NPR3: variants seen among roughly 807,000 people sequenced by gnomAD.
NPR3 encodes atrial natriuretic peptide receptor 3.
A neutral mutation model predicts 54.5 loss-of-function variants in NPR3; 34 were observed. The observed-to-expected ratio is 0.62, with a 90% CI of 0.47 to 0.83. The LOEUF (loss-of-function observed/expected upper bound fraction) is 0.83, where lower values mean the gene tolerates loss of function less well. NPR3 is among the 40% of genes least tolerant of loss of function. The probability of loss-of-function intolerance (pLI) is 0.00; values close to 1 mark genes in which losing one functional copy is unlikely to be tolerated. For missense variants in NPR3, 674 were observed against 720.8 expected (o/e 0.94, Z 0.74); for synonymous variants, 289 against 297.1 (o/e 0.97, Z 0.28).
intron 3 of NPR3, among the ~76,000 whole-genome samples, chr5:32,741,416 C>G (rs1740032252): frequency 6.6e-6 from 1 of 152,162 alleles, no homozygotes. Context: ...AAGACCCTGT[C>G]TCAAAGAAAA....
At position 32,711,797 on chromosome 5, in the gene NPR3, C is replaced by T. The variant is rs1307338456; in HGVS notation, c.21C>T (p.Leu7=). The T allele has an allele frequency of 7.0e-7, 1 of 1,434,098 alleles. No homozygotes were observed. The highest frequency in any genetic ancestry group is 9.2e-7 in the Non-Finnish European group (1 of 1,092,724). 88.8% of individuals were successfully genotyped at this position (1,434,098 alleles called of 1,614,324 possible). The change falls in exon 1 of 8, where the codon CTC becomes CTT. Residue 7 remains leucine (L), a synonymous_variant. Coordinates refer to ENST00000265074, the MANE Select transcript of NPR3 (RefSeq NM_001204375.2). MPSLLV[L]TFSPCVLLGW... is the part of the protein sequence containing the mutation. ...GCACGATGCCGTCTCTGCTGGTGCTCACTTTCTCCCCGTGCGTACTACTCG... is the reference window on the plus strand; with the variant it reads ...GCACGATGCCGTCTCTGCTGGTGCTTACTTTCTCCCCGTGCGTACTACTCG...
intron 3 of NPR3, among the ~76,000 whole-genome samples, chr5:32,756,623 C>G (rs1286271378): frequency 2.6e-5 from 4 of 152,288 alleles, no homozygotes; most frequent in Admixed American, 6.5e-5. Context: ...TCCCATTTGT[C>G]AATTTTGGCT....
intron 1 of NPR3, among the ~76,000 whole-genome samples, chr5:32,703,880 G>A (rs1737899179): frequency 6.6e-6 from 1 of 152,230 alleles, no homozygotes; most frequent in African/African-American, 2.4e-5. Flanking sequence ...ACTAGGTCAT[G>A]TGTCCCCCAC....
At position 32,712,318 on chromosome 5, in the gene NPR3, A is replaced by T; in HGVS notation, c.542A>T (p.Tyr181Phe). The change falls in exon 1 of 8, where the codon TAC becomes TTC. Residue 181 changes from tyrosine to phenylalanine, a missense_variant. Coordinates refer to ENST00000265074, the MANE Select transcript of NPR3 (RefSeq NM_001204375.2). ...CACCTCACGCGCGTGGCGCCCGCCT[A>T]CGCCAAGATGGGCGAGATGATGCTC... ...YSHLTRVAPA[Y>F]AKMGEMMLAL... 1 of 1,613,396 alleles carries T rather than the reference A, an allele frequency of 6.2e-7. No homozygotes were observed. Among genetic ancestry groups the T allele is most frequent in the Non-Finnish European group, 8.5e-7 (1 of 1,179,728 alleles).
rs1196849698 is a variant in NPR3 at position 32,788,480 on chromosome 5, A to G, written c.*2135A>G. 1 of 152,190 alleles carries G rather than the reference A, an allele frequency of 6.6e-6. No homozygotes were observed. Among genetic ancestry groups the G allele is most frequent in the Non-Finnish European group, 1.5e-5 (1 of 68,016 alleles). 9.4% of individuals were successfully genotyped at this position (152,190 alleles called of 1,614,324 possible). A position where few individuals can be genotyped will look rare whatever the true frequency, so the allele number is the denominator to read the frequency against. On this transcript the variant is annotated 3_prime_UTR_variant, in exon 8 of 8. Transcript: ENST00000265074. ...TTTATTTTTCAATGATGTTTTCTTT[A>G]TATTTTAGAGATATTCATTTTCTCT... is the stretch of plus-strand genomic sequence containing the variant.
At chr5:32,716,215 C>T (rs1738537249) in intron 1 of NPR3, among the ~76,000 whole-genome samples, 1 of 152,042 alleles carries the variant, frequency 6.6e-6, no homozygotes. Context: ...TACATTTTAC[C>T]AAAATTTAGT....
chr5:32,737,279 A>G (rs921818735), intron 2 of NPR3, among the ~76,000 whole-genome samples: 3 of 152,164 alleles, frequency 2.0e-5, no homozygotes, highest in African/African-American at 7.2e-5. Context: ...GATAACTTCA[A>G]CTGTTTACAT....
At chr5:32,742,802 A>T (rs540666080) in intron 3 of NPR3, among the ~76,000 whole-genome samples, 65 of 152,264 alleles carry the variant, frequency 4.3e-4, no homozygotes, top group African/African-American at 1.5e-3. Flanking sequence ...ATTCCTTCTA[A>T]TACGATAACT....
At position 32,780,831 on chromosome 5, in the gene NPR3, C is replaced by T; in HGVS notation, c.1290+15C>T. On this transcript the variant is annotated intron_variant, in intron 5 of 7. Coordinates refer to ENST00000265074, the MANE Select transcript of NPR3 (RefSeq NM_001204375.2). ...GCACCCAGGAGGTGAGCACGTGAGACCTCTGCACCAGTTGCTCCTTCTGCT... is the reference window on the plus strand; with the variant it reads ...GCACCCAGGAGGTGAGCACGTGAGATCTCTGCACCAGTTGCTCCTTCTGCT... 1 of 1,202,284 alleles carries T rather than the reference C, an allele frequency of 8.3e-7. No individual in the cohort carries two copies. Among genetic ancestry groups the T allele is most frequent in the Non-Finnish European group, 1.2e-6 (1 of 806,264 alleles). 74.5% of individuals were successfully genotyped at this position (1,202,284 alleles called of 1,614,324 possible).
chr5:32,719,847 C>G (rs1738760515), intron 1 of NPR3, among the ~76,000 whole-genome samples: 1 of 144,672 alleles, frequency 6.9e-6, no homozygotes, highest in South Asian at 2.3e-4. Context: ...TTTAAAGTTA[C>G]TGTTGAGTTT....
At chr5:32,729,429 C>T (rs1346798515) in intron 2 of NPR3, among the ~76,000 whole-genome samples, 2 of 152,114 alleles carry the variant, frequency 1.3e-5, no homozygotes, top group African/African-American at 2.4e-5. Context: ...GATTTTGGAA[C>T]ATTTTGGATT....
At chr5:32,715,616 A>G (rs1738504439) in intron 1 of NPR3, among the ~76,000 whole-genome samples, 1 of 152,198 alleles carries the variant, frequency 6.6e-6, no homozygotes, top group Admixed American at 6.6e-5. Context: ...AAAAACAATT[A>G]TCTTTATTTA....
At position 32,722,202 on chromosome 5, in the gene NPR3, G is replaced by T. The variant is rs1352124833; in HGVS notation, c.770-2496G>T. On this transcript the variant is annotated intron_variant, in intron 1 of 7. Transcript: ENST00000265074. Reference sequence around the variant, plus strand: ...GAAACTTCAGGCAAAGTTTAGGAAAGCTTGTCCTCTGGTCCTTGGACCCTG... The same window carrying T: ...GAAACTTCAGGCAAAGTTTAGGAAATCTTGTCCTCTGGTCCTTGGACCCTG... 2.0e-5 allele frequency among the ~76,000 whole-genome samples: 3 copies of T among 152,164 alleles called. No individual in the cohort carries two copies. The East Asian group carries it at 5.8e-4, about 29-fold the overall frequency.
chr5:32,693,335 T>A, intron 1 of NPR3, among the ~76,000 whole-genome samples: 1 of 152,250 alleles, frequency 6.6e-6, no homozygotes, highest in East Asian at 1.9e-4. Flanking sequence ...CTTTAAATTC[T>A]TATAAATTCT....
rs16890272 is a variant in NPR3 at position 32,769,602 on chromosome 5, A to C, written c.1060-5106A>C. Reference sequence around the variant, plus strand: ...GGCACCCTTAGTTTCCCTCCTTTGCACTGGGAACCACTGGTCTGTGGTAGG... The same window carrying C: ...GGCACCCTTAGTTTCCCTCCTTTGCCCTGGGAACCACTGGTCTGTGGTAGG... On this transcript the variant is annotated intron_variant, in intron 3 of 7. Coordinates refer to ENST00000265074, the MANE Select transcript of NPR3 (RefSeq NM_001204375.2). 8.5e-5 allele frequency among the ~76,000 whole-genome samples: 13 copies of C among 152,232 alleles called. 1 individual carries two copies. The highest frequency in any genetic ancestry group is 2.9e-4 in the African/African-American group (12 of 41,520).
chr5:32,723,339 G>A (rs1326189551), intron 1 of NPR3, among the ~76,000 whole-genome samples: 3 of 152,138 alleles, frequency 2.0e-5, no homozygotes, highest in Non-Finnish European at 4.4e-5. Flanking sequence ...GCCCTTATGT[G>A]GTAGGCAACA....
At chr5:32,724,628 T>A in intron 1 of NPR3, 70 bp from the exon 2 acceptor site, 1 of 1,583,944 alleles carries the variant, frequency 6.3e-7, no homozygotes, top group Non-Finnish European at 8.7e-7. Flanking sequence ...AGATGTCCCT[T>A]ACTGGTGTCA....
intron 1 of NPR3, among the ~76,000 whole-genome samples, chr5:32,724,008 G>A (rs954539277): frequency 6.6e-6 from 1 of 152,068 alleles, no homozygotes; most frequent in Non-Finnish European, 1.5e-5. Context: ...CCATTTGAAA[G>A]TACAGAATCA....
At chr5:32,742,560 TA>T (rs759356305) in intron 3 of NPR3, among the ~76,000 whole-genome samples, 3 of 152,112 alleles carry the variant, frequency 2.0e-5, no homozygotes, top group Non-Finnish European at 2.9e-5. Flanking sequence ...TAAGTATAAT[TA>T]ATTAAATTAA....
Sources: allele counts gnomAD v4.1 joint callset (sites outside exome capture counted in the v4.1 genomes callset), GRCh38; gene constraint gnomAD v4.1.1; transcripts MANE v1.5; gene names NCBI Gene and HGNC (gene_info 2026-07-23, HGNC 2026-07-21).